SPPL3: variants seen among roughly 807,000 people sequenced by gnomAD.
The protein encoded by SPPL3 is signal peptide peptidase-like 3.
A neutral mutation model predicts 42.4 loss-of-function variants in SPPL3; 5 were observed. That is an observed-to-expected ratio of 0.12 (90% CI 0.06 to 0.25). The LOEUF (loss-of-function observed/expected upper bound fraction) is 0.25, where lower values mean the gene tolerates loss of function less well. Ranked by LOEUF, SPPL3 falls within the 10% of genes least tolerant of loss-of-function variation. The pLI, the probability that SPPL3 is intolerant of heterozygous loss-of-function variation, is 1.00. For missense variants in SPPL3, 235 were observed against 489.0 expected (o/e 0.48, Z 4.90); for synonymous variants, 195 against 181.8 (o/e 1.07, Z -0.58).
intron 2 of SPPL3, among the ~76,000 whole-genome samples, chr12:120,798,554 C>G (rs1339787393): frequency 1.3e-5 from 2 of 152,164 alleles, no homozygotes; most frequent in African/African-American, 2.4e-5. Context: ...TGTGCAGGAC[C>G]TAAACTCTAG....
At chr12:120,853,020 G>C (rs372200263) in intron 1 of SPPL3, among the ~76,000 whole-genome samples, 38 of 150,804 alleles carry the variant, frequency 2.5e-4, no homozygotes, top group Admixed American at 2.5e-3. Flanking sequence ...TCAGCCTCCC[G>C]AGTAGCTGGG....
chr12:120,834,849 T>G (rs1026667518), intron 1 of SPPL3, among the ~76,000 whole-genome samples: 3 of 152,186 alleles, frequency 2.0e-5, no homozygotes, highest in Non-Finnish European at 4.4e-5. Context: ...AATTAATCTT[T>G]TAAATCATCA....
chr12:120,801,483 A>G (rs1427949469), intron 2 of SPPL3, among the ~76,000 whole-genome samples: 1 of 151,706 alleles, frequency 6.6e-6, no homozygotes, highest in Non-Finnish European at 1.5e-5. Flanking sequence ...ACAAATCTGT[A>G]TGCCTTTTCT....
At chr12:120,903,510 C>T (rs961001363) in intron 1 of SPPL3, 10 of 355,894 alleles carry the variant, frequency 2.8e-5, no homozygotes, top group Admixed American at 1.0e-4. Context: ...CGAGTCAGTT[C>T]CGGGGTGCCT....
At chr12:120,806,464 T>A (rs998999191) in intron 2 of SPPL3, among the ~76,000 whole-genome samples, 2 of 152,062 alleles carry the variant, frequency 1.3e-5, no homozygotes, top group African/African-American at 4.8e-5. Flanking sequence ...AAAGATGAAA[T>A]TAAATTTGTA....
intron 1 of SPPL3, among the ~76,000 whole-genome samples, chr12:120,890,782 A>G (rs978778707): frequency 6.6e-6 from 1 of 152,142 alleles, no homozygotes; most frequent in Non-Finnish European, 1.5e-5. Context: ...ATTAAATAAT[A>G]TTCTACATAT....
intron 6 of SPPL3, among the ~76,000 whole-genome samples, chr12:120,778,049 T>G (rs992170345): frequency 5.3e-5 from 8 of 151,928 alleles, no homozygotes; most frequent in African/African-American, 1.9e-4. Flanking sequence ...GAAAACAGAT[T>G]TACATATTTG....
intron 1 of SPPL3, among the ~76,000 whole-genome samples, chr12:120,846,967 G>C (rs961092912): frequency 6.6e-6 from 1 of 152,176 alleles, no homozygotes; most frequent in Non-Finnish European, 1.5e-5. Context: ...AGCTTGTGCA[G>C]TAATTAAGTA....
intron 10 of SPPL3, 142 bp from the exon 11 acceptor site, chr12:120,765,212 C>G (rs560336618): frequency 4.1e-5 from 27 of 654,822 alleles, no homozygotes; most frequent in Non-Finnish European, 6.2e-5. Flanking sequence ...CTCCTGGGCT[C>G]GGGCAATTCT....
chr12:120,827,331 T>C (rs750498847), intron 1 of SPPL3, among the ~76,000 whole-genome samples: 1 of 144 alleles, frequency 6.9e-3, no homozygotes. Flanking sequence ...ACAGGAACAA[T>C]AATAATAATA....
At chr12:120,850,998 C>T (rs1473796569) in intron 1 of SPPL3, among the ~76,000 whole-genome samples, 1 of 151,930 alleles carries the variant, frequency 6.6e-6, no homozygotes, top group Non-Finnish European at 1.5e-5. Flanking sequence ...TGCAAAGTCT[C>T]CTTTCCTATA....
chr12:120,878,972 G>A (rs1157897207), intron 1 of SPPL3, among the ~76,000 whole-genome samples: 1 of 151,354 alleles, frequency 6.6e-6, no homozygotes, highest in African/African-American at 2.4e-5. Flanking sequence ...AATTAGCTGG[G>A]TGTGGTGGCG....
chr12:120,812,718 G>T (rs1407135876), intron 1 of SPPL3, among the ~76,000 whole-genome samples: 2 of 152,164 alleles, frequency 1.3e-5, no homozygotes, highest in South Asian at 4.1e-4. Flanking sequence ...TTTCAGAAAG[G>T]CAGCAGAATT....
chr12:120,830,922 T>C (rs953087364), intron 1 of SPPL3, among the ~76,000 whole-genome samples: 10 of 152,164 alleles, frequency 6.6e-5, no homozygotes, highest in Admixed American at 3.3e-4. Flanking sequence ...TTCTGTTTGC[T>C]GCCTATTTCT....
chr12:120,814,264 C>T (rs1054500565), intron 1 of SPPL3, among the ~76,000 whole-genome samples: 1 of 152,178 alleles, frequency 6.6e-6, no homozygotes, highest in Admixed American at 6.5e-5. Context: ...TTCTGTTTCA[C>T]AGCACCTCAC....
At chr12:120,888,027 A>T (rs2137063058) in intron 1 of SPPL3, among the ~76,000 whole-genome samples, 1 of 152,344 alleles carries the variant, frequency 6.6e-6, no homozygotes, top group East Asian at 1.9e-4. Flanking sequence ...AGAAATAAAA[A>T]CATACATCTG....
chr12:120,771,176 C>T (rs1045926467), intron 6 of SPPL3, among the ~76,000 whole-genome samples: 2 of 152,160 alleles, frequency 1.3e-5, no homozygotes, highest in Non-Finnish European at 2.9e-5. Flanking sequence ...TTTTATGGGG[C>T]CCCTAGCTCA....
chr12:120,828,082 C>G (rs533972749), intron 1 of SPPL3, among the ~76,000 whole-genome samples: 1 of 152,328 alleles, frequency 6.6e-6, no homozygotes, highest in African/African-American at 2.4e-5. Context: ...GCCACCACGT[C>G]TGGCCTAAGT....
intron 1 of SPPL3, among the ~76,000 whole-genome samples, chr12:120,820,362 C>T (rs1329689269): frequency 7.5e-6 from 1 of 133,454 alleles, no homozygotes; most frequent in Admixed American, 8.2e-5. Flanking sequence ...GTCGCCCAGG[C>T]TGGAGTGCAA....
Sources: gnomAD v4.1 joint callset for allele counts (sites outside exome capture counted in the v4.1 genomes callset) on GRCh38, gnomAD v4.1.1 for gene constraint, MANE v1.5 for transcripts, NCBI Gene and HGNC (gene_info 2026-07-23, HGNC 2026-07-21) for gene names.